The following ULK4 variants were observed in gnomAD, a reference collection of about 807,000 sequenced individuals.
The protein encoded by ULK4 is unc-51 like kinase 4.
ULK4 carries 133 observed loss-of-function variants against 160.6 expected under a neutral mutation model. That is an observed-to-expected ratio of 0.83 (90% CI 0.72 to 0.96). ULK4 has a LOEUF of 0.96. Ranked by LOEUF, ULK4 falls within the 40% of genes least tolerant of loss-of-function variation. The pLI is 0.00. For synonymous variants in ULK4, 534 were observed against 539.8 expected (o/e 0.99, Z 0.15); for missense variants, 1,580 against 1,499.5 (o/e 1.05, Z -0.89).
At chr3:41,568,189 A>G (rs935548876) in intron 31 of ULK4, among the ~76,000 whole-genome samples, 13 of 152,218 alleles carry the variant, frequency 8.5e-5, no homozygotes, top group African/African-American at 1.4e-4. Flanking sequence ...ACCTTGTACC[A>G]GGAGGAGAAG....
chr3:41,907,721 T>C, intron 12 of ULK4, 124 bp downstream of exon 12: 1 of 532,352 alleles, frequency 1.9e-6, no homozygotes, highest in Non-Finnish European at 3.0e-6. Flanking sequence ...AAACCTATAA[T>C]GATCAGCAAA....
intron 31 of ULK4, among the ~76,000 whole-genome samples, chr3:41,599,207 T>A (rs1160326581): frequency 6.6e-6 from 1 of 152,130 alleles, no homozygotes; most frequent in South Asian, 2.1e-4. Context: ...ATAATTAATA[T>A]TTAGGTCAGC....
chr3:41,566,565 T>A (rs1210732630), intron 31 of ULK4, among the ~76,000 whole-genome samples: 5 of 152,238 alleles, frequency 3.3e-5, no homozygotes, highest in African/African-American at 4.8e-5. Flanking sequence ...TTGATCTGAT[T>A]TATTACTGCT....
intron 17 of ULK4, chr3:41,859,414 T>A: frequency 3.6e-6 from 2 of 561,596 alleles, no homozygotes. Context: ...AAAGAGAGGG[T>A]TGAGTTGGGC....
chr3:41,812,610 T>C (rs1231973046), intron 19 of ULK4, among the ~76,000 whole-genome samples: 1 of 152,186 alleles, frequency 6.6e-6, no homozygotes, highest in Admixed American at 6.5e-5. Flanking sequence ...AGGTTTAATA[T>C]TGACTAATCC....
At chr3:41,894,744 C>T (rs1338223783) in intron 16 of ULK4, among the ~76,000 whole-genome samples, 1 of 152,158 alleles carries the variant, frequency 6.6e-6, no homozygotes, top group Non-Finnish European at 1.5e-5. Flanking sequence ...GAAAGCTGAT[C>T]TTTGATCCAC....
At chr3:41,582,231 T>G (rs910723976) in intron 31 of ULK4, among the ~76,000 whole-genome samples, 1 of 152,158 alleles carries the variant, frequency 6.6e-6, no homozygotes, top group African/African-American at 2.4e-5. Flanking sequence ...TCTGCTGTTA[T>G]GTAAGATGTG....
At chr3:41,905,155 C>T (rs377641710) in intron 12 of ULK4, among the ~76,000 whole-genome samples, 1 of 152,174 alleles carries the variant, frequency 6.6e-6, no homozygotes, top group Non-Finnish European at 1.5e-5. Flanking sequence ...GATAACAGAA[C>T]AGAATCCAGA....
In ULK4 at chr3:41,681,577, C is replaced by T. The variant is rs1436164161; in HGVS notation, c.2909G>A (p.Gly970Asp). Residue 970 changes from glycine (G) to aspartate (D), a missense_variant, in exon 29 of 37, where the codon GGC (glycine) becomes GAC (aspartate). Coordinates refer to ENST00000301831, the MANE Select transcript of ULK4 (RefSeq NM_017886.4). ...SLLVNQEFGD[G>D]KEKASVDSDS... Reference sequence around the variant, plus strand: ...AGAATCAACACTGGCCTTCTCCTTGCCATCCCCAAACTCCTGGTTCACGAG... The same window carrying T: ...AGAATCAACACTGGCCTTCTCCTTGTCATCCCCAAACTCCTGGTTCACGAG... The T allele has an allele frequency of 6.2e-7, 1 of 1,613,960 alleles. No homozygotes were observed. The highest frequency in any genetic ancestry group is 8.5e-7 in the Non-Finnish European group (1 of 1,179,978).
intron 22 of ULK4, among the ~76,000 whole-genome samples, chr3:41,720,997 G>A (rs1256893174): frequency 6.6e-6 from 1 of 151,954 alleles, no homozygotes; most frequent in Non-Finnish European, 1.5e-5. Flanking sequence ...ATAAAATATG[G>A]TACATAATTA....
intron 35 of ULK4, among the ~76,000 whole-genome samples, chr3:41,273,469 C>T (rs1233639171): frequency 6.6e-6 from 1 of 152,142 alleles, no homozygotes; most frequent in Non-Finnish European, 1.5e-5. Context: ...ATCAGTACTG[C>T]TGAAATACTC....
In ULK4 at chr3:41,269,655, G is replaced by T. The variant is rs528549193; in HGVS notation, c.3679-20081C>A. Among the ~76,000 whole-genome samples, 240 of 152,258 alleles carry T rather than the reference G, an allele frequency of 1.6e-3. 1 individual carries two copies. Among genetic ancestry groups the T allele is most frequent in the African/African-American group, 5.5e-3 (227 of 41,538 alleles). ...ACAATGTATAAAGATGCAAATTTATGAAAAACAAATTATTATATAGATTAT... is the reference window on the plus strand; with the variant it reads ...ACAATGTATAAAGATGCAAATTTATTAAAAACAAATTATTATATAGATTAT... On this transcript the variant is annotated intron_variant, in intron 35 of 36. Coordinates refer to ENST00000301831, the MANE Select transcript of ULK4 (RefSeq NM_017886.4).
chr3:41,868,252 A>G (rs1038173990), intron 17 of ULK4, among the ~76,000 whole-genome samples: 1 of 152,106 alleles, frequency 6.6e-6, no homozygotes, highest in African/African-American at 2.4e-5. Context: ...TTTCTTTCAT[A>G]TATTTTAAAG....
intron 22 of ULK4, among the ~76,000 whole-genome samples, chr3:41,748,189 G>A (rs1183586563): frequency 2.1e-5 from 3 of 145,986 alleles, no homozygotes; most frequent in Non-Finnish European, 3.0e-5. Flanking sequence ...CCATAGAGAC[G>A]TATATATACC....
At chr3:41,925,132 G>T (rs566791964) in intron 5 of ULK4, among the ~76,000 whole-genome samples, 3 of 152,274 alleles carry the variant, frequency 2.0e-5, no homozygotes, top group African/African-American at 7.2e-5. Flanking sequence ...AATAGGAACA[G>T]CTCCAGTCTG....
intron 36 of ULK4, among the ~76,000 whole-genome samples, chr3:41,247,486 T>C (rs563883784): frequency 6.6e-6 from 1 of 152,320 alleles, no homozygotes; most frequent in East Asian, 1.9e-4. Flanking sequence ...TTGAGACACA[T>C]TTAAAACTAT....
At chr3:41,587,995 C>T (rs1361326902) in intron 31 of ULK4, among the ~76,000 whole-genome samples, 1 of 152,104 alleles carries the variant, frequency 6.6e-6, no homozygotes, top group Non-Finnish European at 1.5e-5. Context: ...CAGCTTAAGT[C>T]AGGAGCACTA....
At chr3:41,742,148 T>C (rs1423365564) in intron 22 of ULK4, among the ~76,000 whole-genome samples, 2 of 149,654 alleles carry the variant, frequency 1.3e-5, no homozygotes, top group East Asian at 3.9e-4. Context: ...TTTTATCTTC[T>C]ACCTTAACCC....
chr3:41,421,445 A>T (rs2082661647), intron 34 of ULK4, among the ~76,000 whole-genome samples: 1 of 152,164 alleles, frequency 6.6e-6, no homozygotes, highest in African/African-American at 2.4e-5. Context: ...ATAACCTTCA[A>T]TATGTTTGGG....
Sources: gnomAD v4.1 joint callset for allele counts (sites outside exome capture counted in the v4.1 genomes callset) on GRCh38, gnomAD v4.1.1 for gene constraint, MANE v1.5 for transcripts, NCBI Gene and HGNC (gene_info 2026-07-23, HGNC 2026-07-21) for gene names.